The following PTCHD4 variants were observed in gnomAD, a reference collection of about 807,000 sequenced individuals.
PTCHD4 encodes the protein patched domain-containing protein 4.
In PTCHD4, 33 loss-of-function variants were observed where a neutral mutation model predicts 58.1. That is an observed-to-expected ratio of 0.57 (90% confidence interval 0.43 to 0.76). The LOEUF (loss-of-function observed/expected upper bound fraction) is 0.76. Ranked by LOEUF, PTCHD4 falls within the 30% of genes least tolerant of loss-of-function variation. The probability of loss-of-function intolerance (pLI) is 0.00; values close to 1 mark genes in which losing one functional copy is unlikely to be tolerated. For synonymous variants in PTCHD4, 478 were observed against 409.6 expected, an observed-to-expected ratio of 1.17 and a Z score of -2.02; for missense variants, 1,058 against 1,027.1, an observed-to-expected ratio of 1.03 and a Z score of -0.41.
chr6:47,980,140 A>C (rs1487644689), intron 4 of PTCHD4, among the ~76,000 whole-genome samples: 1 of 152,072 alleles, frequency 6.6e-6, no homozygotes, highest in Non-Finnish European at 1.5e-5. Context: ...CTTTAAAATC[A>C]AACACACTTT....
At chr6:48,104,735 A>C (rs915118900) in intron 1 of PTCHD4, among the ~76,000 whole-genome samples, 1 of 152,162 alleles carries the variant, frequency 6.6e-6, no homozygotes. Context: ...CACATAGGCT[A>C]AAAATAAAGG....
At position 47,888,319 on chromosome 6, in the gene PTCHD4, T is replaced by C. The variant is rs570928020; in HGVS notation, c.899-8383A>G. ...TTGCAGTGAGCCAAGATAGCGCCAC[T>C]GCACTCCAGCCTGGGCGACAGCGCG... is the stretch of plus-strand genomic sequence containing the variant. On this transcript the variant is annotated intron_variant, in intron 4 of 4. Transcript: ENST00000339488. 5.3e-5 allele frequency among the ~76,000 whole-genome samples: 8 copies of C among 152,150 alleles called. No homozygotes were observed. In the East Asian group the frequency reaches 1.5e-3, roughly 29 times the overall value.
chr6:48,039,136 G>A (rs762823923), intron 3 of PTCHD4, among the ~76,000 whole-genome samples: 8 of 152,086 alleles, frequency 5.3e-5, no homozygotes, highest in Non-Finnish European at 1.5e-5. Context: ...GCCCCAAAGA[G>A]CAGACAATGC....
intron 4 of PTCHD4, among the ~76,000 whole-genome samples, chr6:47,939,018 C>A (rs1349161521): frequency 6.6e-6 from 1 of 152,108 alleles, no homozygotes; most frequent in Middle Eastern, 3.4e-3. Flanking sequence ...AGAGGGAATG[C>A]ATGACACAAA....
chr6:47,934,892 T>C (rs1009576554), intron 4 of PTCHD4, among the ~76,000 whole-genome samples: 41 of 152,224 alleles, frequency 2.7e-4, no homozygotes, highest in Admixed American at 2.4e-3. Flanking sequence ...TCTGGGACTT[T>C]GTAAACCAAC....
intron 4 of PTCHD4, among the ~76,000 whole-genome samples, chr6:47,961,236 T>C (rs1554162600): frequency 2.0e-5 from 3 of 152,014 alleles, no homozygotes; most frequent in Non-Finnish European, 2.9e-5. Context: ...TTTTAAATAA[T>C]ATACTTACAA....
At chr6:48,050,158 C>T (rs555369631) in intron 3 of PTCHD4, among the ~76,000 whole-genome samples, 17 of 151,992 alleles carry the variant, frequency 1.1e-4, no homozygotes, top group Middle Eastern at 3.4e-3. Flanking sequence ...AGAAGTGTCA[C>T]GATATTAGTC....
intron 4 of PTCHD4, chr6:47,891,045 T>A (rs1279658790): frequency 3.6e-4 from 45 of 125,978 alleles, no homozygotes; most frequent in Non-Finnish European, 4.9e-4. Flanking sequence ...TTGCATCAAC[T>A]AAAAAAAAAA....
chr6:48,107,585 C>A lies in PTCHD4; in HGVS notation c.-970+3464G>T, dbSNP rs1047344749. Among the ~76,000 whole-genome samples, 25 of 151,636 alleles carry A rather than the reference C, an allele frequency of 1.6e-4. 1 individual carries two copies. Among genetic ancestry groups the A allele is most frequent in the African/African-American group, 6.0e-4 (25 of 41,390 alleles). On this transcript the variant is annotated intron_variant, in intron 1 of 4. Coordinates refer to ENST00000339488, the MANE Select transcript of PTCHD4 (RefSeq NM_001384253.1). Reference sequence around the variant, plus strand: ...ACACCAAAAGCAATGGCAACAAAAGCCAAAATTGACAAATGGGATCTAATT... The same window carrying A: ...ACACCAAAAGCAATGGCAACAAAAGACAAAATTGACAAATGGGATCTAATT...
intron 1 of PTCHD4, among the ~76,000 whole-genome samples, chr6:48,078,893 C>T (rs1274682463): frequency 6.6e-6 from 1 of 151,912 alleles, no homozygotes; most frequent in African/African-American, 2.4e-5. Context: ...CGGAGGCGGG[C>T]GGATCACGAG....
intron 1 of PTCHD4, among the ~76,000 whole-genome samples, chr6:48,106,484 C>T (rs1294967753): frequency 6.6e-6 from 1 of 152,168 alleles, no homozygotes; most frequent in East Asian, 1.9e-4. Flanking sequence ...GACAAACCCA[C>T]AGCCAATATC....
Position 47,875,496 on chromosome 6 carries a change from T to C in PTCHD4, c.*2807A>G, listed in dbSNP as rs1254550436. Among the ~76,000 whole-genome samples the C allele has an allele frequency of 6.6e-6, 1 of 151,828 alleles. No individual in the cohort carries two copies. The highest frequency in any genetic ancestry group is 6.6e-5 in the Admixed American group (1 of 15,200). On this transcript the variant is annotated 3_prime_UTR_variant, in exon 5 of 5. Coordinates refer to ENST00000339488, the MANE Select transcript of PTCHD4 (RefSeq NM_001384253.1). Reference sequence around the variant, plus strand: ...TAGGACTGCATTAAGACACTTTAGGTGGTATATTAACTCTTCCAGAACAAA... The same window carrying C: ...TAGGACTGCATTAAGACACTTTAGGCGGTATATTAACTCTTCCAGAACAAA...
intron 4 of PTCHD4, among the ~76,000 whole-genome samples, chr6:47,955,642 T>A (rs972575415): frequency 6.6e-6 from 1 of 152,238 alleles, no homozygotes; most frequent in Non-Finnish European, 1.5e-5. Flanking sequence ...ATTTTTTTAA[T>A]GGATCAGAAT....
At chr6:47,951,535 G>T (rs1766651350) in intron 4 of PTCHD4, among the ~76,000 whole-genome samples, 1 of 152,168 alleles carries the variant, frequency 6.6e-6, no homozygotes, top group Non-Finnish European at 1.5e-5. Context: ...TTATTTGGCA[G>T]TAAGATCTGG....
intron 4 of PTCHD4, among the ~76,000 whole-genome samples, chr6:47,904,585 T>C (rs1416262936): frequency 6.6e-6 from 1 of 152,208 alleles, no homozygotes; most frequent in Non-Finnish European, 1.5e-5. Flanking sequence ...AAGCTATCTC[T>C]TATGTGCAAA....
In PTCHD4 at chr6:48,067,329, T is replaced by C. The variant is rs996864397; in HGVS notation, c.417+901A>G. Among the ~76,000 whole-genome samples, 4 of 152,238 alleles carry C rather than the reference T, an allele frequency of 2.6e-5. No homozygotes were observed. In the South Asian group the frequency reaches 8.3e-4, roughly 31 times the overall value. On this transcript the variant is annotated intron_variant, in intron 3 of 4. Coordinates refer to ENST00000339488, the MANE Select transcript of PTCHD4 (RefSeq NM_001384253.1). ...ATTTAATGCTGAAATGACCGTTCTTTGTAAATTTTGCTGACTGTGATTTTT... is the reference window on the plus strand; with the variant it reads ...ATTTAATGCTGAAATGACCGTTCTTCGTAAATTTTGCTGACTGTGATTTTT...
intron 3 of PTCHD4, among the ~76,000 whole-genome samples, chr6:48,034,875 G>A (rs1162954740): frequency 1.3e-5 from 2 of 152,104 alleles, no homozygotes; most frequent in Non-Finnish European, 2.9e-5. Flanking sequence ...CTGGATACAG[G>A]TATCTGAGCA....
chr6:47,943,520 A>G (rs981710910), intron 4 of PTCHD4, among the ~76,000 whole-genome samples: 2 of 152,158 alleles, frequency 1.3e-5, no homozygotes, highest in Admixed American at 6.6e-5. Flanking sequence ...TTAATTATCA[A>G]GCAAGAGTCA....
chr6:48,094,699 A>C (rs1416563188), intron 1 of PTCHD4, among the ~76,000 whole-genome samples: 1 of 152,220 alleles, frequency 6.6e-6, no homozygotes, highest in Non-Finnish European at 1.5e-5. Flanking sequence ...TGATGGCCTA[A>C]GAATATAAGG....
Sources: gnomAD v4.1 joint callset for allele counts (sites outside exome capture counted in the v4.1 genomes callset) on GRCh38, gnomAD v4.1.1 for gene constraint, MANE v1.5 for transcripts, NCBI Gene and HGNC (gene_info 2026-07-23, HGNC 2026-07-21) for gene names.